The following LRP6 variants were observed in gnomAD, a reference collection of about 807,000 sequenced individuals.
The protein encoded by LRP6 is low-density lipoprotein receptor-related protein 6.
A neutral mutation model predicts 184.1 loss-of-function variants in LRP6; 43 were observed. That is an observed-to-expected ratio of 0.23 (90% CI 0.18 to 0.30). The LOEUF is 0.30. LRP6 is among the 10% of genes least tolerant of loss of function. The probability of loss-of-function intolerance (pLI) is 1.00; values close to 1 mark genes in which losing one functional copy is unlikely to be tolerated. For synonymous variants in LRP6, 719 were observed against 684.9 expected (o/e 1.05, Z -0.78); for missense variants, 1,571 against 2,005.3 (o/e 0.78, Z 4.14).
chr12:12,200,948 T>C (rs1020429422), intron 3 of LRP6, among the ~76,000 whole-genome samples: 3 of 152,214 alleles, frequency 2.0e-5, no homozygotes, highest in African/African-American at 7.2e-5. Flanking sequence ...AGCTTTTGTT[T>C]TTTCCTTTAT....
intron 7 of LRP6, among the ~76,000 whole-genome samples, chr12:12,177,889 T>G (rs776712058): frequency 6.6e-6 from 1 of 151,158 alleles, no homozygotes; most frequent in Non-Finnish European, 1.5e-5. Flanking sequence ...AACGAATGAA[T>G]GAAGGAACAA....
rs1234034790 is a variant in LRP6, at chr12:12,118,571, T to C, written c.*2555A>G. The C allele has an allele frequency of 6.6e-6, 1 of 152,246 alleles. No homozygotes were observed. The highest frequency in any genetic ancestry group is 2.4e-5 in the African/African-American group (1 of 41,476). The allele number at this position is 152,246 out of a possible 1,614,324, so 9.4% of individuals were successfully genotyped here. ...CCCCCTAATTTGTGATCTCATGCTT[T>C]TCCTCTCAACTTTTCCAATTACAGC... On this transcript the variant is annotated 3_prime_UTR_variant, in exon 23 of 23. Coordinates refer to ENST00000261349, the MANE Select transcript of LRP6 (RefSeq NM_002336.3).
intron 2 of LRP6, among the ~76,000 whole-genome samples, chr12:12,221,047 A>G (rs942013418): frequency 6.6e-6 from 1 of 152,188 alleles, no homozygotes; most frequent in Middle Eastern, 3.2e-3. Context: ...AGTTCTTCCC[A>G]CAATCTACTA....
intron 7 of LRP6, among the ~76,000 whole-genome samples, chr12:12,171,955 T>TA (rs1396898649): frequency 6.6e-6 from 1 of 152,332 alleles, no homozygotes; most frequent in African/African-American, 2.4e-5. Context: ...TTAAGCTCCT[T>TA]ATGTTTAAAA....
chr12:12,260,957 C>CA (rs1378357116), intron 1 of LRP6, among the ~76,000 whole-genome samples: 1 of 152,042 alleles, frequency 6.6e-6, no homozygotes, highest in Non-Finnish European at 1.5e-5. Context: ...AATATTTAAA[C>CA]AAAAAATATA....
At chr12:12,131,332 T>G (rs939815540) in intron 18 of LRP6, among the ~76,000 whole-genome samples, 9 of 151,850 alleles carry the variant, frequency 5.9e-5, no homozygotes, top group African/African-American at 2.2e-4. Context: ...ATGGTCTCTA[T>G]CTCCTGACCT....
At position 12,244,194 on chromosome 12, in the gene LRP6, T is replaced by C. The variant is rs961689187; in HGVS notation, c.449+68A>G. ...CTTTCTTTTCTCATAGGGGTCAGGGTGGTGTATGTCAGTGGAGAAAAACCG... is the reference window on the plus strand; with the variant it reads ...CTTTCTTTTCTCATAGGGGTCAGGGCGGTGTATGTCAGTGGAGAAAAACCG... On this transcript the variant is annotated intron_variant, in intron 2 of 22. Transcript: ENST00000261349. The C allele has an allele frequency of 3.4e-6, 5 of 1,463,260 alleles. No homozygotes were observed. In the African/African-American group the frequency reaches 7.0e-5, roughly 20 times the overall value. The allele number at this position is 1,463,260 out of a possible 1,614,324, so 90.6% of individuals were successfully genotyped here.
At chr12:12,159,176 G>A (rs758155808) in intron 11 of LRP6, 21 bp from the exon 12 acceptor site, 1 of 1,580,434 alleles carries the variant, frequency 6.3e-7, no homozygotes, top group East Asian at 2.2e-5. Flanking sequence ...AAAGGCAGTA[G>A]ACAGGGGAGA....
intron 2 of LRP6, among the ~76,000 whole-genome samples, chr12:12,223,863 T>C (rs1273891763): frequency 1.3e-5 from 2 of 152,318 alleles, no homozygotes; most frequent in South Asian, 2.1e-4. Context: ...CAGTGAGAAA[T>C]CTGGCTACCA....
chr12:12,211,953 A>T (rs1184203150), intron 2 of LRP6, among the ~76,000 whole-genome samples: 1 of 152,178 alleles, frequency 6.6e-6, no homozygotes, highest in East Asian at 1.9e-4. Flanking sequence ...AAGGTGATGC[A>T]TTTTGAGCGC....
intron 3 of LRP6, among the ~76,000 whole-genome samples, chr12:12,189,880 T>C (rs1321076323): frequency 1.3e-5 from 2 of 152,156 alleles, no homozygotes; most frequent in Non-Finnish European, 1.5e-5. Context: ...TAGTTTTCTT[T>C]CTCTACGTTC....
At position 12,147,554 on chromosome 12, in the gene LRP6, T is replaced by C. The variant is rs761510709; in HGVS notation, c.3209A>G (p.Tyr1070Cys). 13 of 1,612,338 alleles carry C rather than the reference T, an allele frequency of 8.1e-6. No individual in the cohort carries two copies. The highest frequency in any genetic ancestry group is 1.7e-4 in the Middle Eastern group (1 of 6,054). The change falls in exon 15 of 23, where the codon TAT becomes TGT. Residue 1070 changes from tyrosine to cysteine, a missense_variant and splice_region_variant. By Grantham distance (194) the Tyr-to-Cys change is radical (BLOSUM62 -2). Coordinates refer to ENST00000261349, the MANE Select transcript of LRP6 (RefSeq NM_002336.3). The part of the protein sequence containing the change: ...RAVVVNPEKG[Y>C]MYFTNLQERS... ...TTCCTGAAGATTGGTAAAATACATA[T>C]ACCTAGAGGGAAAGGAGGAAAAAAA...
intron 3 of LRP6, among the ~76,000 whole-genome samples, chr12:12,202,924 C>T (rs1863954004): frequency 6.6e-6 from 1 of 152,152 alleles, no homozygotes; most frequent in Non-Finnish European, 1.5e-5. Context: ...CAAACAAAGG[C>T]AGTAAAGATG....
At chr12:12,198,605 C>G (rs1863832764) in intron 3 of LRP6, among the ~76,000 whole-genome samples, 1 of 137,740 alleles carries the variant, frequency 7.3e-6, no homozygotes, top group South Asian at 2.2e-4. Context: ...ACAATCTTGG[C>G]TCACTGCAAC....
chr12:12,169,284 A>G (rs1324536626), intron 7 of LRP6, among the ~76,000 whole-genome samples: 1 of 151,988 alleles, frequency 6.6e-6, no homozygotes, highest in Non-Finnish European at 1.5e-5. Flanking sequence ...GCAGTGTGGG[A>G]CAGACTACAA....
chr12:12,187,143 T>TA, intron 3 of LRP6, 24 bp from the exon 4 acceptor site: 1 of 1,601,942 alleles, frequency 6.2e-7, no homozygotes, highest in Non-Finnish European at 8.5e-7. Context: ...GAGAAAAATT[T>TA]AAACTTATTT....
At chr12:12,136,256 A>G (rs1451350112) in intron 16 of LRP6, among the ~76,000 whole-genome samples, 2 of 152,240 alleles carry the variant, frequency 1.3e-5, no homozygotes, top group Non-Finnish European at 2.9e-5. Context: ...TTTAAAATAT[A>G]AGAATTCTCC....
chr12:12,121,483 C>T, intron 22 of LRP6, 63 bp from the exon 23 acceptor site: 1 of 1,463,742 alleles, frequency 6.8e-7, no homozygotes, highest in South Asian at 1.1e-5. Flanking sequence ...TTTCCCCTCT[C>T]AGAATAGAGG....
At chr12:12,170,706 A>G (rs1565595049) in intron 7 of LRP6, among the ~76,000 whole-genome samples, 1 of 151,924 alleles carries the variant, frequency 6.6e-6, no homozygotes, top group East Asian at 1.9e-4. Flanking sequence ...CAGGCTCACT[A>G]AAGCTTCAAA....
Sources: gnomAD v4.1 joint callset for allele counts (sites outside exome capture counted in the v4.1 genomes callset) on GRCh38, gnomAD v4.1.1 for gene constraint, MANE v1.5 for transcripts, NCBI Gene and HGNC (gene_info 2026-07-23, HGNC 2026-07-21) for gene names.